The following DOK6 variants were observed in gnomAD, a reference collection of about 807,000 sequenced individuals.
The protein encoded by DOK6 is downstream of tyrosine kinase 6.
A neutral mutation model predicts 44.0 loss-of-function variants in DOK6; 22 were observed. That is an observed-to-expected ratio of 0.50 (90% CI 0.36 to 0.71). The LOEUF (loss-of-function observed/expected upper bound fraction) is 0.71, where lower values mean the gene tolerates loss of function less well. Among genes scored for constraint, DOK6 ranks in the 30% least tolerant of loss-of-function variants. The pLI, the probability that DOK6 is intolerant of heterozygous loss-of-function variation, is 0.00. For synonymous variants in DOK6, 166 were observed against 145.5 expected, an observed-to-expected ratio of 1.14 and a Z score of -1.01; for missense variants, 340 against 416.4, an observed-to-expected ratio of 0.82 and a Z score of 1.60.
intron 1 of DOK6, among the ~76,000 whole-genome samples, chr18:69,430,951 C>A (rs963708521): frequency 1.3e-5 from 2 of 152,104 alleles, no homozygotes; most frequent in South Asian, 4.1e-4. Flanking sequence ...GGCGACAGAG[C>A]GAGTCTCCGT....
rs142144712 is a variant in DOK6 at position 69,848,689 on chromosome 18, T to C, written c.*7306T>C. On this transcript the variant is annotated 3_prime_UTR_variant, in exon 8 of 8. Transcript: ENST00000382713. ...CTTCTTCTGAAGTCGTAGTTTTTAA[T>C]CTTAACCATCAATAAATAAACCTAT... 1.8e-4 allele frequency: 27 copies of C among 152,372 alleles called. No individual in the cohort carries two copies. The highest frequency in any genetic ancestry group is 6.3e-4 in the African/African-American group (26 of 41,588). The allele number at this position is 152,372 out of a possible 1,614,324, so 9.4% of individuals were successfully genotyped here.
At chr18:69,516,160 C>T (rs1599168778) in intron 1 of DOK6, among the ~76,000 whole-genome samples, 1 of 152,122 alleles carries the variant, frequency 6.6e-6, no homozygotes, top group African/African-American at 2.4e-5. Flanking sequence ...GTATAATGGC[C>T]CAGGTTGTTT....
intron 2 of DOK6, among the ~76,000 whole-genome samples, chr18:69,575,491 G>GAC (rs1983217109): frequency 6.6e-6 from 1 of 151,962 alleles, no homozygotes; most frequent in African/African-American, 2.4e-5. Flanking sequence ...ATGGAGTTTG[G>GAC]TATCAGCCTT....
At chr18:69,413,689 C>T (rs1978315972) in intron 1 of DOK6, among the ~76,000 whole-genome samples, 2 of 151,752 alleles carry the variant, frequency 1.3e-5, no homozygotes, top group Admixed American at 1.3e-4. Flanking sequence ...TAGGACTAGG[C>T]AGAATTCTTA....
At chr18:69,763,264 A>G (rs1246066766) in intron 7 of DOK6, among the ~76,000 whole-genome samples, 2 of 152,226 alleles carry the variant, frequency 1.3e-5, no homozygotes, top group Non-Finnish European at 2.9e-5. Context: ...CTTCTTGCAG[A>G]AGTGGCAAAC....
At chr18:69,804,781 TAAGTC>T (rs1981006320) in intron 7 of DOK6, among the ~76,000 whole-genome samples, 1 of 152,176 alleles carries the variant, frequency 6.6e-6, no homozygotes, top group African/African-American at 2.4e-5. Flanking sequence ...CAGAAAATCT[TAAGTC>T]AAATGTTTTT....
Position 69,620,535 on chromosome 18 carries a change from T to C in DOK6, c.289+21037T>C, listed in dbSNP as rs144238293. Among the ~76,000 whole-genome samples the C allele has an allele frequency of 1.8e-3, 269 of 152,270 alleles. 2 individuals are homozygous for C. Among genetic ancestry groups the C allele is most frequent in the African/African-American group, 6.2e-3 (256 of 41,558 alleles). On this transcript the variant is annotated intron_variant, in intron 3 of 7. Coordinates refer to ENST00000382713, the MANE Select transcript of DOK6 (RefSeq NM_152721.6). ...AGAGGACGGATCAAGGGTAAGAGCATACCCTGCAGCCAGACTGAGTTCTAA... is the reference window on the plus strand; with the variant it reads ...AGAGGACGGATCAAGGGTAAGAGCACACCCTGCAGCCAGACTGAGTTCTAA...
intron 1 of DOK6, among the ~76,000 whole-genome samples, chr18:69,424,325 T>C (rs1284681258): frequency 6.6e-6 from 1 of 152,190 alleles, no homozygotes; most frequent in African/African-American, 2.4e-5. Context: ...CTTTTTCCCC[T>C]TGGATAAATG....
chr18:69,622,291 G>A (rs2144639405), intron 3 of DOK6, among the ~76,000 whole-genome samples: 1 of 152,286 alleles, frequency 6.6e-6, no homozygotes, highest in South Asian at 2.1e-4. Flanking sequence ...TAAGTTCACA[G>A]TTTGATAACC....
intron 5 of DOK6, among the ~76,000 whole-genome samples, chr18:69,699,332 A>G (rs11151528): frequency 0.46 from 69,655 of 151,980 alleles, 16,326 homozygotes; most frequent in East Asian, 0.73. Context: ...ATTATAGTGA[A>G]GTTTTATTGC....
chr18:69,677,932 A>G lies in DOK6; in HGVS notation c.409+79A>G, dbSNP rs138979538. Reference sequence around the variant, plus strand: ...TTTGAAACTGGAAAGGATCTCAGAAATGTTTCAGACCAATCATATTTTTTA... The same window carrying G: ...TTTGAAACTGGAAAGGATCTCAGAAGTGTTTCAGACCAATCATATTTTTTA... On this transcript the variant is annotated intron_variant, in intron 4 of 7. Coordinates refer to ENST00000382713, the MANE Select transcript of DOK6 (RefSeq NM_152721.6). 4.6e-4 allele frequency: 702 copies of G among 1,524,190 alleles called. 3 individuals carry two copies. The African/African-American group carries it at 7.1e-3, about 15-fold the overall frequency. The allele number at this position is 1,524,190 out of a possible 1,614,324, so 94.4% of individuals were successfully genotyped here.
chr18:69,664,020 T>TA (rs1344659945), intron 3 of DOK6, among the ~76,000 whole-genome samples: 3 of 152,314 alleles, frequency 2.0e-5, no homozygotes, highest in Non-Finnish European at 4.4e-5. Flanking sequence ...AGGCAACAAA[T>TA]ACATTTTAAA....
intron 1 of DOK6, among the ~76,000 whole-genome samples, chr18:69,480,929 C>T (rs1013290739): frequency 6.6e-6 from 1 of 152,082 alleles, no homozygotes; most frequent in Non-Finnish European, 1.5e-5. Context: ...CACATACGGT[C>T]CTGAGATGAC....
At chr18:69,726,595 T>A (rs1339025057) in intron 5 of DOK6, among the ~76,000 whole-genome samples, 1 of 151,910 alleles carries the variant, frequency 6.6e-6, no homozygotes, top group African/African-American at 2.4e-5. Context: ...ATAAACGGGG[T>A]GGCCTATAAA....
At chr18:69,568,338 G>A (rs548957444) in intron 2 of DOK6, among the ~76,000 whole-genome samples, 2 of 152,328 alleles carry the variant, frequency 1.3e-5, no homozygotes, top group South Asian at 2.1e-4. Flanking sequence ...ATCCTGCTGA[G>A]TCATGCAGGA....
rs113148377 is a variant in DOK6 at position 69,404,435 on chromosome 18, C to G, written c.66+3125C>G. Among the ~76,000 whole-genome samples the G allele has an allele frequency of 8.5e-3, 1,293 of 152,280 alleles. 18 individuals are homozygous for G. Among genetic ancestry groups the G allele is most frequent in the African/African-American group, 0.029 (1,213 of 41,568 alleles). Reference sequence around the variant, plus strand: ...TTGGTTTGCAGCCAAACTAAGAACTCAATCACTGAAAGCATTAATAATCTA... The same window carrying G: ...TTGGTTTGCAGCCAAACTAAGAACTGAATCACTGAAAGCATTAATAATCTA... On this transcript the variant is annotated intron_variant, in intron 1 of 7. Coordinates refer to ENST00000382713, the MANE Select transcript of DOK6 (RefSeq NM_152721.6).
intron 6 of DOK6, among the ~76,000 whole-genome samples, chr18:69,744,309 CAAAAA>C (rs3050449): frequency 1.3e-4 from 18 of 143,564 alleles, no homozygotes; most frequent in African/African-American, 4.3e-4. Flanking sequence ...GACTCCGTAT[CAAAAA>C]AAAAAAAAAA....
chr18:69,414,693 A>T (rs913051330), intron 1 of DOK6, among the ~76,000 whole-genome samples: 3 of 151,972 alleles, frequency 2.0e-5, no homozygotes, highest in African/African-American at 7.2e-5. Flanking sequence ...TTGGTTATGA[A>T]ATGAGATGGT....
intron 1 of DOK6, among the ~76,000 whole-genome samples, chr18:69,433,179 A>G (rs1300387433): frequency 6.6e-6 from 1 of 152,212 alleles, no homozygotes; most frequent in Non-Finnish European, 1.5e-5. Context: ...TAATAAAGTT[A>G]TAATTAGAAC....
Sources: allele counts gnomAD v4.1 joint callset (sites outside exome capture counted in the v4.1 genomes callset), GRCh38; gene constraint gnomAD v4.1.1; transcripts MANE v1.5; gene names NCBI Gene and HGNC (gene_info 2026-07-23, HGNC 2026-07-21).